Variants in TMPRSS3 observed in about 807,000 individuals in gnomAD.
The protein encoded by TMPRSS3 is transmembrane serine protease 3.
A neutral mutation model predicts 59.6 loss-of-function variants in TMPRSS3; 55 were observed. The observed-to-expected ratio is 0.92, with a 90% CI of 0.74 to 1.16. The LOEUF is 1.16. Ranked by LOEUF, TMPRSS3 falls within the 50% of genes most tolerant of loss-of-function variation. TMPRSS3 has a pLI of 0.00. For missense variants in TMPRSS3, 596 were observed against 579.4 expected (o/e 1.03, Z -0.29); for synonymous variants, 257 against 237.7 (o/e 1.08, Z -0.75).
At chr21:42,380,242 TCA>T in intron 9 of TMPRSS3, 30 bp from the exon 10 acceptor site, 1 of 1,570,798 alleles carries the variant, frequency 6.4e-7, no homozygotes, top group Non-Finnish European at 8.8e-7. Context: ...AGTTCACAAC[TCA>T]ATTGAAGCAG....
chr21:42,383,317 A>G, intron 7 of TMPRSS3, 119 bp from the exon 8 acceptor site: 1 of 1,105,258 alleles, frequency 9.0e-7, no homozygotes, highest in Non-Finnish European at 1.3e-6. Context: ...CCCAGAGCTC[A>G]CAGCAGCTCT....
At chr21:42,389,108 T>C in intron 3 of TMPRSS3, 63 bp from the exon 4 acceptor site, 14 of 1,607,086 alleles carry the variant, frequency 8.7e-6, no homozygotes, top group Non-Finnish European at 1.1e-5. Flanking sequence ...CACTAACAAC[T>C]GTCCCCCTGC....
At position 42,388,938 on chromosome 21, in the gene TMPRSS3, A is replaced by G. The variant is rs1467480439; in HGVS notation, c.313T>C (p.Tyr105His). 4 of 1,613,782 alleles carry G rather than the reference A, an allele frequency of 2.5e-6. No individual in the cohort carries two copies. In the African/African-American group the frequency reaches 5.3e-5, roughly 22 times the overall value. Residue 105 changes from tyrosine to histidine, a missense_variant, in exon 4 of 13, where the codon TAC (tyrosine) becomes CAC (histidine). Transcript: ENST00000644384. The surrounding 1 kb of genome is among the most constrained non-coding windows in gnomAD (Gnocchi z 5.1). ...AGAGCCATGACCTTACCACAGCGGT[A>G]CTCGTCCTCCCCGTCTTTGCAATCC... ...VSDCKDGEDE[Y>H]RCVRVGGQNA...
chr21:42,385,632 G>A, intron 5 of TMPRSS3, 98 bp from the exon 6 acceptor site: 2 of 1,495,192 alleles, frequency 1.3e-6, no homozygotes, highest in Admixed American at 3.4e-5. Flanking sequence ...ATTGTACATG[G>A]GGGATGTCAT....
intron 2 of TMPRSS3, 53 bp downstream of exon 2, chr21:42,395,271 C>T: frequency 2.0e-6 from 3 of 1,487,174 alleles, no homozygotes; most frequent in Non-Finnish European, 2.8e-6. Flanking sequence ...ACATTGGTCA[C>T]CTACATGAGG....
Position 42,389,984 on chromosome 21 carries a change from G to A in TMPRSS3, c.148C>T (p.Pro50Ser). 3 of 1,614,104 alleles carry A rather than the reference G, an allele frequency of 1.9e-6. No individual in the cohort carries two copies. Among genetic ancestry groups the A allele is most frequent in the African/African-American group, 1.3e-5 (1 of 75,010 alleles). The stretch of plus-strand genomic sequence containing the variant: ...GCAATGATCCCAATGACGATGATTG[G>A]AAAAAACTTCAATGGCAGCAGTGAC... The part of the protein sequence containing the change: ...ILSLLPLKFF[P>S]IIVIGIIALI... Residue 50 changes from proline to serine, a missense_variant, in exon 3 of 13, where the codon CCA becomes TCA. Coordinates refer to ENST00000644384, the MANE Select transcript of TMPRSS3 (RefSeq NM_001256317.3).
At chr21:42,393,755 A>G (rs2052763666) in intron 2 of TMPRSS3, among the ~76,000 whole-genome samples, 1 of 152,226 alleles carries the variant, frequency 6.6e-6, no homozygotes, top group Non-Finnish European at 1.5e-5. Flanking sequence ...CTCTGCTGTT[A>G]TGGCGTGAAA....
intron 3 of TMPRSS3, among the ~76,000 whole-genome samples, chr21:42,389,440 A>G (rs1486302412): frequency 6.6e-6 from 1 of 152,260 alleles, no homozygotes; most frequent in African/African-American, 2.4e-5. Flanking sequence ...AGTGTGGACC[A>G]CACAGTGGGG....
Position 42,372,705 on chromosome 21 carries a change from G to A in TMPRSS3, c.*57C>T. On this transcript the variant is annotated 3_prime_UTR_variant, in exon 13 of 13. Coordinates refer to ENST00000644384, the MANE Select transcript of TMPRSS3 (RefSeq NM_001256317.3). ...GGTTCCTACACGGGAGTCCAGGGGA[G>A]GATCGGGCTGTCTTCATCACCTCAG... The A allele has an allele frequency of 6.3e-7, 1 of 1,599,456 alleles. No individual in the cohort carries two copies. The highest frequency in any genetic ancestry group is 8.6e-7 in the Non-Finnish European group (1 of 1,166,692).
intron 2 of TMPRSS3, 60 bp downstream of exon 2, chr21:42,395,264 T>C: frequency 8.5e-6 from 12 of 1,413,936 alleles, no homozygotes; most frequent in South Asian, 2.3e-5. Flanking sequence ...GTCAGTCACA[T>C]TGGTCACCTA....
intron 5 of TMPRSS3, among the ~76,000 whole-genome samples, chr21:42,386,929 A>G (rs1309550502): frequency 6.6e-6 from 1 of 152,222 alleles, no homozygotes; most frequent in Non-Finnish European, 1.5e-5. Flanking sequence ...GAAGCAATGG[A>G]TAGAGAACAA....
rs2052550453 is a variant in TMPRSS3, at chr21:42,382,424, C to T, written c.783-190G>A. On this transcript the variant is annotated intron_variant, in intron 8 of 12. Coordinates refer to ENST00000644384, the MANE Select transcript of TMPRSS3 (RefSeq NM_001256317.3). ...GCCCTACAGAAACACAGACCCACAC[C>T]CCATGTGTTTCCCAGACCTCACTCT... 3 of 631,360 alleles carry T rather than the reference C, an allele frequency of 4.8e-6. No homozygotes were observed. The East Asian group carries it at 8.5e-5, about 18-fold the overall frequency. The allele number at this position is 631,360 out of a possible 1,614,324, so 39.1% of individuals were successfully genotyped here.
Position 42,389,154 on chromosome 21 carries a change from C to G in TMPRSS3, c.206-109G>C, listed in dbSNP as rs761231875. On this transcript the variant is annotated intron_variant, in intron 3 of 12. Transcript: ENST00000644384. ...GGAGCTGGCCCGTGAATAATGAAAC[C>G]TGTATTGAAATTGCGTCCCTGTCAG... The G allele has an allele frequency of 2.6e-6, 4 of 1,557,116 alleles. 1 individual carries two copies. The highest frequency in any genetic ancestry group is 3.5e-6 in the Non-Finnish European group (4 of 1,154,286).
intron 3 of TMPRSS3, among the ~76,000 whole-genome samples, chr21:42,389,619 G>C (rs1050327018): frequency 2.0e-5 from 3 of 152,192 alleles, no homozygotes; most frequent in Non-Finnish European, 4.4e-5. Flanking sequence ...TCTTCTCCCC[G>C]CTGCCCCGGT....
At chr21:42,373,096 C>T (rs1283111111) in intron 12 of TMPRSS3, among the ~76,000 whole-genome samples, 2 of 152,164 alleles carry the variant, frequency 1.3e-5, no homozygotes, top group African/African-American at 4.8e-5. Context: ...TTTTAAACCC[C>T]CAACTAGATA....
chr21:42,389,844 G>T, intron 3 of TMPRSS3, 83 bp downstream of exon 3: 1 of 1,067,506 alleles, frequency 9.4e-7, no homozygotes, highest in Non-Finnish European at 1.5e-6. Flanking sequence ...GCAGCAAAAT[G>T]CTGGGATGAG....
Position 42,388,665 on chromosome 21 carries a change from A to C in TMPRSS3, c.323-139T>G. ...TCTTGTCCACGGCAGCCTCCCCATC[A>C]CAGAGCAGTGACTCTGGATCCCTGA... On this transcript the variant is annotated intron_variant, in intron 4 of 12. Coordinates refer to ENST00000644384, the MANE Select transcript of TMPRSS3 (RefSeq NM_001256317.3). The surrounding 1 kb of genome is among the most constrained non-coding windows in gnomAD (Gnocchi z 5.1). 8.1e-7 allele frequency: 1 copy of C among 1,236,362 alleles called. No homozygotes were observed. The highest frequency in any genetic ancestry group is 1.2e-6 in the Non-Finnish European group (1 of 855,518). 76.6% of individuals were successfully genotyped at this position (1,236,362 alleles called of 1,614,324 possible).
Position 42,382,123 on chromosome 21 carries a change from T to G in TMPRSS3, c.894A>C (p.Pro298=), listed in dbSNP as rs752283050. Residue 298 remains proline, a synonymous_variant, in exon 9 of 13, where the codon CCA becomes CCC. Transcript: ENST00000644384. ...EKIVYHSKYK[P]KRLGNDIALM... is the part of the protein sequence containing the mutation. ...GGGCGATGTCATTGCCCAGCCTCTT[T>G]GGCTTGTACTTGCTGTGGTAGACAA... 1 of 1,614,110 alleles carries G rather than the reference T, an allele frequency of 6.2e-7. No homozygotes were observed. Among genetic ancestry groups the G allele is most frequent in the African/African-American group, 1.3e-5 (1 of 74,928 alleles).
At position 42,395,446 on chromosome 21, in the gene TMPRSS3, G is replaced by A. The variant is rs376404558; in HGVS notation, c.-29C>T. Reference sequence around the variant, plus strand: ...GACTATTTCAGGACCTCTGACATCCGGCTCCGCCTCCACCTCTACCTCCTT... The same window carrying A: ...GACTATTTCAGGACCTCTGACATCCAGCTCCGCCTCCACCTCTACCTCCTT... On this transcript the variant is annotated 5_prime_UTR_variant, in exon 2 of 13. Coordinates refer to ENST00000644384, the MANE Select transcript of TMPRSS3 (RefSeq NM_001256317.3). 9.5e-6 allele frequency: 15 copies of A among 1,586,496 alleles called. No homozygotes were observed. The highest frequency in any genetic ancestry group is 4.5e-5 in the East Asian group (2 of 44,738).
Sources: allele counts gnomAD v4.1 joint callset (sites outside exome capture counted in the v4.1 genomes callset), GRCh38; gene constraint gnomAD v4.1.1; non-coding constraint Gnocchi (gnomAD v3.1); transcripts MANE v1.5; gene names NCBI Gene and HGNC (gene_info 2026-07-23, HGNC 2026-07-21).